The following CTNNA2 variants were observed in gnomAD, a reference collection of about 807,000 sequenced individuals.
CTNNA2 encodes the protein catenin alpha-2.
In CTNNA2, 42 loss-of-function variants were observed where a neutral mutation model predicts 101.0. That is an observed-to-expected ratio of 0.42 (90% confidence interval 0.32 to 0.54). The LOEUF (loss-of-function observed/expected upper bound fraction) is 0.54, where lower values mean the gene tolerates loss of function less well. Ranked by LOEUF, CTNNA2 falls within the 20% of genes least tolerant of loss-of-function variation. CTNNA2 has a pLI of 0.14. For missense variants in CTNNA2, 871 were observed against 1,223.1 expected (o/e 0.71, Z 4.29); for synonymous variants, 450 against 456.4 (o/e 0.99, Z 0.18).
intron 1 of CTNNA2, among the ~76,000 whole-genome samples, chr2:79,559,394 T>C (rs1191759443): frequency 1.3e-5 from 2 of 151,880 alleles, no homozygotes; most frequent in Non-Finnish European, 2.9e-5. Flanking sequence ...ATTTTGATTG[T>C]GATATTTTGC....
chr2:79,255,094 A>T (rs1419858727), intron 2 of CTNNA2, among the ~76,000 whole-genome samples: 1 of 152,206 alleles, frequency 6.6e-6, no homozygotes. Flanking sequence ...CCGGTTTGGG[A>T]AATCTCTGTA....
intron 9 of CTNNA2, among the ~76,000 whole-genome samples, chr2:80,509,737 T>C (rs921334733): frequency 5.9e-5 from 9 of 152,158 alleles, no homozygotes; most frequent in Admixed American, 5.2e-4. Context: ...AGCTAGCTTA[T>C]TGGCAGGTAA....
At chr2:79,484,803 C>T (rs1671142368) in intron 4 of CTNNA2, among the ~76,000 whole-genome samples, 1 of 152,140 alleles carries the variant, frequency 6.6e-6, no homozygotes, top group South Asian at 2.1e-4. Context: ...TGTCCTCACT[C>T]CTCTTACATT....
At chr2:80,647,441 T>TTAAC in intron 18 of CTNNA2, 144 bp from the exon 19 acceptor site, 3 of 692,072 alleles carry the variant, frequency 4.3e-6, no homozygotes, top group South Asian at 2.4e-5. Flanking sequence ...TTTAAAAACC[T>TTAAC]TAACTTGTGA....
chr2:80,213,716 G>C (rs1287981119), intron 7 of CTNNA2, among the ~76,000 whole-genome samples: 4 of 152,170 alleles, frequency 2.6e-5, no homozygotes, highest in Admixed American at 2.0e-4. Context: ...GAGTTCTATA[G>C]ATGTCTATTA....
chr2:79,442,254 G>A (rs1678785529), intron 4 of CTNNA2, among the ~76,000 whole-genome samples: 1 of 152,134 alleles, frequency 6.6e-6, no homozygotes, highest in Non-Finnish European at 1.5e-5. Context: ...CAGCATGGAT[G>A]TTTTTGTTTC....
At chr2:80,211,857 A>G (rs867446599) in intron 7 of CTNNA2, among the ~76,000 whole-genome samples, 1 of 150,310 alleles carries the variant, frequency 6.7e-6, no homozygotes, top group East Asian at 1.9e-4. Flanking sequence ...TAAGCGTGGA[A>G]TGTTCTTCCT....
chr2:79,475,617 G>A lies in CTNNA2; in HGVS notation c.-134-29437G>A, dbSNP rs191951899. 2.6e-5 allele frequency among the ~76,000 whole-genome samples: 4 copies of A among 151,888 alleles called. No homozygotes were observed. In the East Asian group the frequency reaches 7.7e-4, roughly 29 times the overall value. ...CTATAAAAATTTTCCCTTGGTATGA[G>A]TATTGCCAATATCTTTCAAATACTC... On this transcript the variant is annotated intron_variant, in intron 4 of 21. Transcript: ENST00000466387.
intron 1 of CTNNA2, among the ~76,000 whole-genome samples, chr2:79,544,390 T>C (rs540194432): frequency 2.0e-5 from 3 of 152,132 alleles, no homozygotes; most frequent in Non-Finnish European, 4.4e-5. Context: ...CATGGCTTTC[T>C]TTTCTTTTCT....
rs554838605 is a variant in CTNNA2, at chr2:79,743,539, T to TA, written c.103-848_103-847insA. Reference sequence around the variant, plus strand: ...TTCCATTTTATTTATTTTATTTATTTTTTTTTTTTTTGAGACGAAGTCTTG... The same window carrying TA: ...TTCCATTTTATTTATTTTATTTATTTATTTTTTTTTTTGAGACGAAGTCTTG... On this transcript the variant is annotated intron_variant, in intron 2 of 18. Transcript: ENST00000402739. Among the ~76,000 whole-genome samples the TA allele has an allele frequency of 4.7e-3, 712 of 150,846 alleles. 2 individuals are homozygous for TA. The highest frequency in any genetic ancestry group is 6.9e-3 in the Non-Finnish European group (464 of 67,672).
chr2:79,323,528 C>CA (rs67495637), intron 3 of CTNNA2, among the ~76,000 whole-genome samples: 536 of 150,084 alleles, frequency 3.6e-3, no homozygotes, highest in Middle Eastern at 0.01. Context: ...ATACTTTCTT[C>CA]AAAAAAAAAT....
intron 7 of CTNNA2, among the ~76,000 whole-genome samples, chr2:80,274,651 C>T (rs1162721931): frequency 6.6e-6 from 1 of 152,186 alleles, no homozygotes; most frequent in Non-Finnish European, 1.5e-5. Context: ...ACTCCACCTC[C>T]CCCTGTTTTC....
chr2:80,040,695 T>A (rs1695986048), intron 7 of CTNNA2, among the ~76,000 whole-genome samples: 1 of 152,216 alleles, frequency 6.6e-6, no homozygotes, highest in Non-Finnish European at 1.5e-5. Flanking sequence ...TCAGGAATAA[T>A]TCACTCCCAG....
At chr2:80,270,852 T>C (rs1474059758) in intron 7 of CTNNA2, among the ~76,000 whole-genome samples, 2 of 152,226 alleles carry the variant, frequency 1.3e-5, no homozygotes, top group Admixed American at 6.5e-5. Context: ...TATTAAAATA[T>C]TTAATAATTA....
intron 7 of CTNNA2, among the ~76,000 whole-genome samples, chr2:80,120,285 A>G (rs993857952): frequency 6.6e-6 from 1 of 152,132 alleles, no homozygotes; most frequent in African/African-American, 2.4e-5. Context: ...TTGTGAATAT[A>G]TGGGTGCAAT....
At position 79,865,849 on chromosome 2, in the gene CTNNA2, A is replaced by G. The variant is rs7568868; in HGVS notation, c.466-3967A>G. 6.9e-3 allele frequency among the ~76,000 whole-genome samples: 1,048 copies of G among 152,262 alleles called. 14 individuals carry two copies. Among genetic ancestry groups the G allele is most frequent in the African/African-American group, 0.023 (947 of 41,552 alleles). ...ATTCTGGTGCCTCAGCCTCCTGAGT[A>G]GCTGGGACTATAGGCACCCACCACC... is the stretch of plus-strand genomic sequence containing the variant. On this transcript the variant is annotated intron_variant, in intron 4 of 18. Coordinates refer to ENST00000402739, the MANE Select transcript of CTNNA2 (RefSeq NM_001282597.3).
chr2:80,625,229 A>G (rs535049234), intron 18 of CTNNA2, among the ~76,000 whole-genome samples: 11 of 152,194 alleles, frequency 7.2e-5, no homozygotes, highest in African/African-American at 2.6e-4. Flanking sequence ...TTTTATTAGA[A>G]TAGCAATAGC....
intron 2 of CTNNA2, among the ~76,000 whole-genome samples, chr2:79,686,003 T>A (rs1683905603): frequency 6.6e-6 from 1 of 152,098 alleles, no homozygotes; most frequent in African/African-American, 2.4e-5. Flanking sequence ...GGAGCTTTCC[T>A]ATCTAGGCTG....
At chr2:80,605,373 T>C (rs965133700) in intron 16 of CTNNA2, 9 of 152,102 alleles carry the variant, frequency 5.9e-5, no homozygotes, top group Admixed American at 5.9e-4. Context: ...ATATAAGTTT[T>C]GGAAATAAAA....
Sources: gnomAD v4.1 joint callset for allele counts (sites outside exome capture counted in the v4.1 genomes callset) on GRCh38, gnomAD v4.1.1 for gene constraint, MANE v1.5 for transcripts, NCBI Gene and HGNC (gene_info 2026-07-23, HGNC 2026-07-21) for gene names.